Variants in LSAMP observed in about 807,000 individuals in gnomAD.
LSAMP encodes limbic system associated membrane protein.
In LSAMP, 7 loss-of-function variants were observed where a neutral mutation model predicts 38.6. The ratio of observed to expected loss-of-function variants is 0.18; its 90% CI spans 0.10 to 0.34. The LOEUF is 0.34. Ranked by LOEUF, LSAMP falls within the 10% of genes least tolerant of loss-of-function variation. The pLI is 1.00. For synonymous variants in LSAMP, 154 were observed against 166.8 expected (o/e 0.92, Z 0.59); for missense variants, 313 against 420.0 (o/e 0.75, Z 2.23).
chr3:116,337,509 G>A (rs896277420), intron 1 of LSAMP, among the ~76,000 whole-genome samples: 1 of 151,884 alleles, frequency 6.6e-6, no homozygotes, highest in South Asian at 2.1e-4. Context: ...CTAACTTTTA[G>A]TCAAAAACCA....
At chr3:116,444,793 CACACACACACACACACAA>C (rs1290824437) in intron 1 of LSAMP, 66 bp downstream of exon 1, 6 of 1,453,626 alleles carry the variant, frequency 4.1e-6, no homozygotes, top group East Asian at 2.4e-5. Flanking sequence ...ATCAGACACA[CACACACACACACACACAA>C]ACACACACAC....
At chr3:116,328,491 T>C (rs553570150) in intron 1 of LSAMP, among the ~76,000 whole-genome samples, 1 of 152,338 alleles carries the variant, frequency 6.6e-6, no homozygotes, top group African/African-American at 2.4e-5. Context: ...TTACAGGTAA[T>C]ATATTTTGGC....
At chr3:115,855,189 G>T (rs967883968) in intron 3 of LSAMP, among the ~76,000 whole-genome samples, 2 of 152,186 alleles carry the variant, frequency 1.3e-5, no homozygotes, top group African/African-American at 4.8e-5. Flanking sequence ...CTAAACAGTT[G>T]CAGGAGAGAG....
rs202218996 is a variant in LSAMP, at chr3:115,810,273, G to T, written c.*44C>A. 3 of 1,271,980 alleles carry T rather than the reference G, an allele frequency of 2.4e-6. No homozygotes were observed. Among genetic ancestry groups the T allele is most frequent in the Non-Finnish European group, 3.3e-6 (3 of 899,286 alleles). The allele number at this position is 1,271,980 out of a possible 1,614,324, so 78.8% of individuals were successfully genotyped here. A position where few individuals can be genotyped will look rare whatever the true frequency, so the allele number is the denominator to read the frequency against. On this transcript the variant is annotated 3_prime_UTR_variant, in exon 7 of 7. Transcript: ENST00000490035. The stretch of plus-strand genomic sequence containing the variant: ...TCTCTCTCTCTGTATTCTGTGTGAC[G>T]CATTTTTGTGTGTTTTTTAAATTAT...
chr3:116,155,436 C>A (rs886086933), intron 1 of LSAMP, among the ~76,000 whole-genome samples: 5 of 151,954 alleles, frequency 3.3e-5, no homozygotes, highest in African/African-American at 1.2e-4. Flanking sequence ...CCATGTTGGC[C>A]AGGCTGGTTT....
At chr3:116,203,832 G>C (rs1210628023) in intron 1 of LSAMP, among the ~76,000 whole-genome samples, 1 of 152,016 alleles carries the variant, frequency 6.6e-6, no homozygotes, top group Non-Finnish European at 1.5e-5. Context: ...CCAACTCTTT[G>C]CTATTGTGAA....
chr3:116,425,754 T>TA (rs2049186664), intron 1 of LSAMP, among the ~76,000 whole-genome samples: 4 of 146,640 alleles, frequency 2.7e-5, no homozygotes, highest in African/African-American at 7.4e-5. Context: ...ATAAATAAAT[T>TA]AATTAATTAG....
At chr3:115,927,574 G>T (rs1004301590) in intron 3 of LSAMP, among the ~76,000 whole-genome samples, 1 of 152,082 alleles carries the variant, frequency 6.6e-6, no homozygotes, top group African/African-American at 2.4e-5. Flanking sequence ...TGATGGAAAG[G>T]TTCTGCATTC....
At chr3:116,154,096 G>A (rs529464278) in intron 1 of LSAMP, among the ~76,000 whole-genome samples, 3 of 152,138 alleles carry the variant, frequency 2.0e-5, no homozygotes, top group East Asian at 3.9e-4. Flanking sequence ...GAGAATTAAC[G>A]GAGTTGTTCC....
rs888159444 is a variant in LSAMP at position 116,229,726 on chromosome 3, G to A, written c.156-143170C>T. Among the ~76,000 whole-genome samples, 70 of 152,272 alleles carry A rather than the reference G, an allele frequency of 4.6e-4. 1 individual carries two copies. Among genetic ancestry groups the A allele is most frequent in the African/African-American group, 1.6e-3 (68 of 41,560 alleles). Reference sequence around the variant, plus strand: ...AGATGACAAAACTCAAAGAAGATCAGAGATATGGTATCTTTGGTAGAGTTT... The same window carrying A: ...AGATGACAAAACTCAAAGAAGATCAAAGATATGGTATCTTTGGTAGAGTTT... On this transcript the variant is annotated intron_variant, in intron 1 of 6. Transcript: ENST00000490035.
chr3:116,288,099 G>A (rs1214931246), intron 1 of LSAMP, among the ~76,000 whole-genome samples: 1 of 152,174 alleles, frequency 6.6e-6, no homozygotes. Context: ...TAGAGTGAAG[G>A]AGGTAGAGCC....
chr3:116,282,237 G>T (rs1238560968), intron 1 of LSAMP, among the ~76,000 whole-genome samples: 2 of 151,790 alleles, frequency 1.3e-5, no homozygotes, highest in Admixed American at 6.5e-5. Flanking sequence ...TGTCAGAGTT[G>T]TTTGCCTTTG....
At chr3:116,232,418 A>G (rs2046411203) in intron 1 of LSAMP, among the ~76,000 whole-genome samples, 1 of 152,236 alleles carries the variant, frequency 6.6e-6, no homozygotes. Context: ...TAGTAAAACC[A>G]TCTGTATTTG....
At chr3:115,971,840 T>C (rs1939029307) in intron 3 of LSAMP, among the ~76,000 whole-genome samples, 1 of 152,074 alleles carries the variant, frequency 6.6e-6, no homozygotes, top group Non-Finnish European at 1.5e-5. Flanking sequence ...AATGAACAAA[T>C]CAATTAATTT....
intron 1 of LSAMP, among the ~76,000 whole-genome samples, chr3:116,295,220 A>G (rs2047315476): frequency 6.6e-6 from 1 of 152,194 alleles, no homozygotes; most frequent in African/African-American, 2.4e-5. Context: ...CCAAGGCTAA[A>G]GGAATTTTTA....
chr3:116,305,689 C>A (rs941881611), intron 1 of LSAMP, among the ~76,000 whole-genome samples: 4 of 151,942 alleles, frequency 2.6e-5, no homozygotes, highest in Non-Finnish European at 5.9e-5. Flanking sequence ...GTATTAATCA[C>A]AATTCTATAT....
At chr3:116,113,102 G>A (rs934695171) in intron 1 of LSAMP, among the ~76,000 whole-genome samples, 2 of 152,026 alleles carry the variant, frequency 1.3e-5, no homozygotes, top group African/African-American at 4.8e-5. Flanking sequence ...GTGAGAAACA[G>A]TGAGAAGTGA....
intron 1 of LSAMP, among the ~76,000 whole-genome samples, chr3:116,291,415 T>C (rs1474286056): frequency 6.6e-6 from 1 of 152,178 alleles, no homozygotes; most frequent in Non-Finnish European, 1.5e-5. Context: ...CATTTAACCT[T>C]GGGCAAGACG....
At chr3:116,335,090 A>C (rs556603847) in intron 1 of LSAMP, among the ~76,000 whole-genome samples, 1 of 151,694 alleles carries the variant, frequency 6.6e-6, no homozygotes, top group Non-Finnish European at 1.5e-5. Flanking sequence ...AATAATGAAT[A>C]ATCTACACAG....
Sources: gnomAD v4.1 joint callset for allele counts (sites outside exome capture counted in the v4.1 genomes callset) on GRCh38, gnomAD v4.1.1 for gene constraint, MANE v1.5 for transcripts, NCBI Gene and HGNC (gene_info 2026-07-23, HGNC 2026-07-21) for gene names.